The following HYCC2 variants were observed in gnomAD, a reference collection of about 807,000 sequenced individuals.
HYCC2 encodes hyccin 2.
chr2:201,022,927 T>C, the HYCC2 span: 48 of 1,610,942 alleles, frequency 3.0e-5, no homozygotes, highest in African/African-American at 6.0e-4. Context: ...GAGTGTCAGG[T>C]AATGCCTAAA....
At chr2:200,979,640 T>G in the HYCC2 span, 1 of 152,648 alleles carries the variant, frequency 6.6e-6, no homozygotes, top group Non-Finnish European at 1.5e-5. Context: ...TTCTATAAAT[T>G]CAGTATATTT....
the HYCC2 span, among the ~76,000 whole-genome samples, chr2:201,003,754 T>A: frequency 6.7e-6 from 1 of 150,256 alleles, no homozygotes; most frequent in Admixed American, 6.6e-5. Context: ...GCAGGTTGGC[T>A]GAATTGCATG....
the HYCC2 span, among the ~76,000 whole-genome samples, chr2:201,042,421 T>C: frequency 6.7e-6 from 1 of 148,366 alleles, no homozygotes; most frequent in Non-Finnish European, 1.5e-5. Flanking sequence ...CCGCCCATCA[T>C]CTGGGATGTG....
At chr2:201,009,149 T>C in the HYCC2 span, 2 of 969,526 alleles carry the variant, frequency 2.1e-6, no homozygotes, top group Non-Finnish European at 3.2e-6. Context: ...ATCTGTATCA[T>C]GTAATAATAT....
the HYCC2 span, among the ~76,000 whole-genome samples, chr2:201,041,198 TAATA>T: frequency 6.6e-6 from 1 of 152,236 alleles, no homozygotes; most frequent in Non-Finnish European, 1.5e-5. Context: ...TATTCTCATC[TAATA>T]GATAAGAAAA....
At chr2:201,063,783 G>A in the HYCC2 span, 57 of 1,557,028 alleles carry the variant, frequency 3.7e-5, no homozygotes, top group East Asian at 4.6e-5. Context: ...GGTGGCAGCC[G>A]TGGTGGTGGT....
the HYCC2 span, among the ~76,000 whole-genome samples, chr2:201,035,652 C>T: frequency 2.0e-5 from 3 of 152,188 alleles, no homozygotes; most frequent in African/African-American, 4.8e-5. Flanking sequence ...TGAGGAGCTG[C>T]GTTCCTTTGG....
At chr2:201,052,772 G>C in the HYCC2 span, among the ~76,000 whole-genome samples, 1 of 152,208 alleles carries the variant, frequency 6.6e-6, no homozygotes, top group East Asian at 1.9e-4. Context: ...GACTCTCTGA[G>C]TTAAGGAGGC....
the HYCC2 span, chr2:200,979,230 A>G: frequency 2.6e-5 from 4 of 151,758 alleles, no homozygotes; most frequent in Non-Finnish European, 5.9e-5. Context: ...AAATATTTAA[A>G]ATACAACTTT....
the HYCC2 span, among the ~76,000 whole-genome samples, chr2:200,987,195 C>T: frequency 1.3e-5 from 2 of 152,160 alleles, no homozygotes; most frequent in African/African-American, 4.8e-5. Context: ...TGCACCTGAC[C>T]TGGTGCTATG....
the HYCC2 span, among the ~76,000 whole-genome samples, chr2:201,046,419 G>A: frequency 6.6e-6 from 1 of 152,130 alleles, no homozygotes; most frequent in Non-Finnish European, 1.5e-5. Flanking sequence ...AGAAGGTTCT[G>A]CAGTGGGGGG....
the HYCC2 span, chr2:200,992,332 A>G: frequency 1.2e-6 from 2 of 1,612,482 alleles, no homozygotes; most frequent in South Asian, 2.2e-5. Context: ...TGATATCATC[A>G]AGAACTTCCT....
chr2:200,981,593 G>A, the HYCC2 span: 6 of 1,613,250 alleles, frequency 3.7e-6, no homozygotes, highest in Non-Finnish European at 4.2e-6. The surrounding 1 kb of genome is among the most constrained non-coding windows in gnomAD (Gnocchi z 4.5). Flanking sequence ...TTCTTCATTG[G>A]TGTCAGCTCA....
At chr2:201,011,397 G>C in the HYCC2 span, 1 of 1,530,520 alleles carries the variant, frequency 6.5e-7, no homozygotes, top group Non-Finnish European at 8.9e-7. Flanking sequence ...CTTACTTCAT[G>C]GTATATTGAA....
the HYCC2 span, among the ~76,000 whole-genome samples, chr2:201,002,839 G>A: frequency 7.9e-5 from 12 of 152,000 alleles, no homozygotes; most frequent in East Asian, 1.9e-4. Context: ...ATTATTTAGC[G>A]TAACAATTCA....
At chr2:200,984,758 C>T in the HYCC2 span, among the ~76,000 whole-genome samples, 4 of 152,118 alleles carry the variant, frequency 2.6e-5, no homozygotes, top group African/African-American at 9.7e-5. Flanking sequence ...ATGGCACCCA[C>T]CTATAGTCCC....
At chr2:201,049,861 T>C in the HYCC2 span, among the ~76,000 whole-genome samples, 1 of 152,134 alleles carries the variant, frequency 6.6e-6, no homozygotes, top group African/African-American at 2.4e-5. Context: ...TTCTTTTTTA[T>C]TTTTTAAATT....
chr2:201,063,529 C>T, the HYCC2 span: 37 of 1,591,010 alleles, frequency 2.3e-5, no homozygotes, highest in Non-Finnish European at 2.8e-5. Flanking sequence ...AGAAAAGGGG[C>T]TTTGCCTTTG....
the HYCC2 span, among the ~76,000 whole-genome samples, chr2:201,029,498 T>C: frequency 1.3e-5 from 2 of 152,204 alleles, no homozygotes; most frequent in Non-Finnish European, 2.9e-5. Flanking sequence ...ATTGCAGCAC[T>C]ATTCACAATA....
Sources: gnomAD v4.1 joint callset for allele counts (sites outside exome capture counted in the v4.1 genomes callset) on GRCh38, gnomAD v4.1.1 for gene constraint, Gnocchi (gnomAD v3.1) non-coding constraint, MANE v1.5 for transcripts, NCBI Gene and HGNC (gene_info 2026-07-23, HGNC 2026-07-21) for gene names.